The following NRG1 variants were observed in gnomAD, a reference collection of about 807,000 sequenced individuals.
The protein encoded by NRG1 is neuregulin 1.
Under a neutral mutation model 63.8 loss-of-function variants are expected in NRG1, and 18 were observed. The observed-to-expected ratio is 0.28, with a 90% CI of 0.19 to 0.42. NRG1 has a LOEUF of 0.42. Ranked by LOEUF, NRG1 falls within the 10% of genes least tolerant of loss-of-function variation. The pLI, the probability that NRG1 is intolerant of heterozygous loss-of-function variation, is 1.00. For missense variants in NRG1, 762 were observed against 814.7 expected (o/e 0.94, Z 0.79); for synonymous variants, 302 against 301.3 (o/e 1.00, Z -0.02).
chr8:32,110,837 T>A (rs1831920078), intron 1 of NRG1, among the ~76,000 whole-genome samples: 1 of 152,152 alleles, frequency 6.6e-6, no homozygotes, highest in Non-Finnish European at 1.5e-5. Flanking sequence ...GCAGATGAAG[T>A]AGAATGATGC....
intron 1 of NRG1, among the ~76,000 whole-genome samples, chr8:32,406,043 T>C (rs1314597354): frequency 2.6e-5 from 4 of 152,152 alleles, no homozygotes; most frequent in East Asian, 1.9e-4. Flanking sequence ...TGTCTTTGGG[T>C]TGATTGTTAG....
At chr8:32,062,000 A>G (rs1459648204) in intron 1 of NRG1, among the ~76,000 whole-genome samples, 2 of 152,112 alleles carry the variant, frequency 1.3e-5, no homozygotes, top group African/African-American at 4.8e-5. Flanking sequence ...AGTACCCAAG[A>G]GAAAGCAAAA....
At chr8:32,462,702 C>G (rs979890981) in intron 1 of NRG1, among the ~76,000 whole-genome samples, 2 of 141,300 alleles carry the variant, frequency 1.4e-5, no homozygotes, top group Non-Finnish European at 3.0e-5. Flanking sequence ...CTCCTGGGTT[C>G]AGATGATTCT....
intron 1 of NRG1, among the ~76,000 whole-genome samples, chr8:32,281,123 G>A (rs961259539): frequency 6.7e-6 from 1 of 148,198 alleles, no homozygotes; most frequent in East Asian, 2.0e-4. Context: ...GGGGTTTGGT[G>A]TACAAATTAT....
chr8:32,244,233 G>A (rs560863804), intron 1 of NRG1, among the ~76,000 whole-genome samples: 12 of 152,234 alleles, frequency 7.9e-5, no homozygotes, highest in Non-Finnish European at 5.9e-5. Context: ...CCACATGTTG[G>A]CAGATTCTTT....
At chr8:32,090,510 G>A (rs1289542179) in intron 1 of NRG1, among the ~76,000 whole-genome samples, 1 of 152,016 alleles carries the variant, frequency 6.6e-6, no homozygotes, top group East Asian at 1.9e-4. Context: ...TAGTAGAGAT[G>A]GGGTTTTATC....
chr8:32,124,860 A>G (rs1355654712), intron 1 of NRG1, among the ~76,000 whole-genome samples: 2 of 151,948 alleles, frequency 1.3e-5, no homozygotes, highest in African/African-American at 2.4e-5. Context: ...AATTCTCTTA[A>G]TAACCTATGA....
chr8:31,957,957 A>G (rs1804727255), intron 1 of NRG1, among the ~76,000 whole-genome samples: 1 of 152,152 alleles, frequency 6.6e-6, no homozygotes, highest in African/African-American at 2.4e-5. Context: ...AGTTGAAGGG[A>G]ACTGCCTTCT....
At chr8:32,664,312 A>T (rs1235996770) in intron 5 of NRG1, among the ~76,000 whole-genome samples, 1 of 151,942 alleles carries the variant, frequency 6.6e-6, no homozygotes, top group Non-Finnish European at 1.5e-5. Context: ...AAAAAAAAAA[A>T]CCAAAAAGGA....
intron 5 of NRG1, among the ~76,000 whole-genome samples, chr8:32,627,458 T>C (rs909815136): frequency 9.2e-5 from 14 of 152,114 alleles, no homozygotes; most frequent in African/African-American, 2.7e-4. Context: ...TGGAAATGTG[T>C]GTATATGAAA....
chr8:32,680,436 A>G (rs1327819262), intron 5 of NRG1, among the ~76,000 whole-genome samples: 2 of 152,152 alleles, frequency 1.3e-5, no homozygotes, highest in African/African-American at 2.4e-5. Flanking sequence ...ATTATAGTAA[A>G]TTGATTCTGT....
chr8:32,140,807 C>T (rs1836151071), intron 1 of NRG1, among the ~76,000 whole-genome samples: 1 of 152,150 alleles, frequency 6.6e-6, no homozygotes, highest in South Asian at 2.1e-4. Context: ...TAAGTCACAA[C>T]TCAGGGTGAC....
chr8:32,088,769 C>T (rs575638877), intron 1 of NRG1, among the ~76,000 whole-genome samples: 25 of 152,166 alleles, frequency 1.6e-4, no homozygotes, highest in East Asian at 5.8e-4. Context: ...CCTCCTGCCT[C>T]GGCGTCCAAA....
At chr8:32,231,470 T>A (rs1846933633) in intron 1 of NRG1, among the ~76,000 whole-genome samples, 1 of 152,184 alleles carries the variant, frequency 6.6e-6, no homozygotes, top group Admixed American at 6.5e-5. Context: ...AAAGGGAAAT[T>A]GAATGTGATA....
intron 1 of NRG1, among the ~76,000 whole-genome samples, chr8:32,208,537 C>T (rs1389143565): frequency 2.6e-5 from 4 of 152,012 alleles, no homozygotes; most frequent in East Asian, 1.9e-4. Context: ...GGATTACAGG[C>T]GTGAACCACC....
At chr8:31,918,183 A>T (rs1054025576) in intron 1 of NRG1, among the ~76,000 whole-genome samples, 1 of 152,170 alleles carries the variant, frequency 6.6e-6, no homozygotes, top group African/African-American at 2.4e-5. Flanking sequence ...TCCTAATTGA[A>T]TACCCTTTAT....
intron 5 of NRG1, among the ~76,000 whole-genome samples, chr8:32,706,748 G>A (rs1816533873): frequency 6.6e-6 from 1 of 152,074 alleles, no homozygotes. Context: ...CATAAAAAAG[G>A]AATGGTAGTT....
At chr8:32,304,432 G>A (rs141460369) in intron 1 of NRG1, among the ~76,000 whole-genome samples, 230 of 152,022 alleles carry the variant, frequency 1.5e-3, no homozygotes, top group Middle Eastern at 3.4e-3. Flanking sequence ...TCAGTTTGTG[G>A]GAATAATAGT....
At chr8:32,497,908 C>T (rs746519090) in intron 1 of NRG1, among the ~76,000 whole-genome samples, 2 of 152,216 alleles carry the variant, frequency 1.3e-5, no homozygotes, top group Admixed American at 1.3e-4. Context: ...ACCACAACCT[C>T]CCCTTCCCGG....
Sources: gnomAD v4.1 joint callset for allele counts (sites outside exome capture counted in the v4.1 genomes callset) on GRCh38, gnomAD v4.1.1 for gene constraint, MANE v1.5 for transcripts, NCBI Gene and HGNC (gene_info 2026-07-23, HGNC 2026-07-21) for gene names.